The following CALCRL variants were observed in gnomAD, a reference collection of about 807,000 sequenced individuals.
CALCRL encodes calcitonin receptor like receptor, also known as calcitonin gene-related peptide type 1 receptor.
CALCRL carries 27 observed loss-of-function variants against 60.4 expected under a neutral mutation model. The observed-to-expected ratio is 0.45, with a 90% CI of 0.33 to 0.62. The LOEUF (loss-of-function observed/expected upper bound fraction) is 0.62. Ranked by LOEUF, CALCRL falls within the 20% of genes least tolerant of loss-of-function variation. The pLI is 0.03. For missense variants in CALCRL, 424 were observed against 540.7 expected, an observed-to-expected ratio of 0.78 and a Z score of 2.14; for synonymous variants, 190 against 182.6, an observed-to-expected ratio of 1.04 and a Z score of -0.33.
intron 1 of CALCRL, among the ~76,000 whole-genome samples, chr2:187,435,865 CGTGCGTGTGT>C (rs1325252485): frequency 4.7e-5 from 7 of 148,420 alleles, no homozygotes; most frequent in Non-Finnish European, 1.0e-4. Context: ...TGTGTTTGTG[CGTGCGTGTGT>C]GTGTGTGTGT....
intron 1 of CALCRL, among the ~76,000 whole-genome samples, chr2:187,417,295 C>T (rs1354241816): frequency 1.3e-5 from 2 of 151,696 alleles, no homozygotes; most frequent in African/African-American, 2.4e-5. Context: ...AAAAAACAAA[C>T]CCATAAACAC....
intron 1 of CALCRL, among the ~76,000 whole-genome samples, chr2:187,410,696 G>C (rs1018636894): frequency 3.3e-5 from 5 of 152,174 alleles, no homozygotes; most frequent in Non-Finnish European, 1.5e-5. Flanking sequence ...TGTAACATCA[G>C]TTCCACAGCC....
chr2:187,440,319 C>G (rs6731106), intron 1 of CALCRL, among the ~76,000 whole-genome samples: 4 of 152,140 alleles, frequency 2.6e-5, no homozygotes, highest in East Asian at 1.9e-4. Context: ...GTAGGACAAG[C>G]CTTGAAGTCT....
intron 3 of CALCRL, among the ~76,000 whole-genome samples, chr2:187,386,308 C>T (rs576620740): frequency 6.6e-6 from 1 of 152,044 alleles, no homozygotes; most frequent in South Asian, 2.1e-4. Flanking sequence ...ATCTCATTTT[C>T]AATTTTCTGA....
chr2:187,375,099 C>T (rs1559049279), intron 8 of CALCRL, among the ~76,000 whole-genome samples: 1 of 150,750 alleles, frequency 6.6e-6, no homozygotes, highest in Non-Finnish European at 1.5e-5. Context: ...GGTGAAACCC[C>T]GTCTCTACTA....
At chr2:187,368,427 A>G (rs1235560828) in intron 8 of CALCRL, among the ~76,000 whole-genome samples, 4 of 152,110 alleles carry the variant, frequency 2.6e-5, no homozygotes, top group African/African-American at 9.6e-5. Flanking sequence ...AACAAGAATT[A>G]TCATTAGACA....
At chr2:187,395,960 G>T (rs774400385) in intron 1 of CALCRL, among the ~76,000 whole-genome samples, 2 of 151,784 alleles carry the variant, frequency 1.3e-5, no homozygotes, top group Non-Finnish European at 2.9e-5. Context: ...TACAGAAACA[G>T]TTTTTACTCC....
At chr2:187,387,043 C>T (rs576973071) in intron 3 of CALCRL, among the ~76,000 whole-genome samples, 5 of 152,252 alleles carry the variant, frequency 3.3e-5, no homozygotes, top group Admixed American at 1.3e-4. Context: ...TGTTTATCAG[C>T]AGCATGAAAA....
At chr2:187,410,287 CA>C (rs1376030194) in intron 1 of CALCRL, among the ~76,000 whole-genome samples, 1 of 151,926 alleles carries the variant, frequency 6.6e-6, no homozygotes, top group Non-Finnish European at 1.5e-5. Context: ...GGAAGAGTTT[CA>C]ATGTATTAAA....
chr2:187,431,859 A>C (rs1312959288), intron 1 of CALCRL, among the ~76,000 whole-genome samples: 1 of 151,822 alleles, frequency 6.6e-6, no homozygotes, highest in African/African-American at 2.4e-5. Context: ...GAAATGAGAA[A>C]TGTATGATGG....
At chr2:187,426,121 G>GAA (rs547524751) in intron 1 of CALCRL, among the ~76,000 whole-genome samples, 1 of 147,378 alleles carries the variant, frequency 6.8e-6, no homozygotes, top group African/African-American at 2.5e-5. Context: ...TCATTATATA[G>GAA]AAAAAAAAAG....
In CALCRL at chr2:187,352,199, T is replaced by C; in HGVS notation, c.1043A>G (p.Glu348Gly). Reference protein sequence around the residue: ...TLILVPLLGIEFVLIPWRPEG... With the variant: ...TLILVPLLGIGFVLIPWRPEG... ...AGGTCGCCATGGAATCAGCACAAATTCAATGCCAAGCAATGGCACCAAGAT... is the reference window on the plus strand; with the variant it reads ...AGGTCGCCATGGAATCAGCACAAATCCAATGCCAAGCAATGGCACCAAGAT... Residue 348 changes from glutamate to glycine, a missense_variant, in exon 13 of 15, where the codon GAA becomes GGA. Glu to Gly is a moderately conservative substitution (Grantham distance 98). Transcript: ENST00000392370. 1.9e-6 allele frequency: 3 copies of C among 1,612,488 alleles called. No individual in the cohort carries two copies. The highest frequency in any genetic ancestry group is 2.5e-6 in the Non-Finnish European group (3 of 1,178,992).
intron 1 of CALCRL, among the ~76,000 whole-genome samples, chr2:187,444,527 A>G (rs528702887): frequency 1.1e-4 from 16 of 151,704 alleles, no homozygotes; most frequent in African/African-American, 3.6e-4. Context: ...TTTGCAAACA[A>G]TAATATTTTG....
intron 12 of CALCRL, among the ~76,000 whole-genome samples, chr2:187,355,599 A>T (rs879875005): frequency 1.3e-5 from 2 of 152,118 alleles, no homozygotes; most frequent in Non-Finnish European, 2.9e-5. Context: ...ACGAATGAGG[A>T]AGCTTTGAAT....
At chr2:187,355,074 A>G (rs1467297326) in intron 12 of CALCRL, among the ~76,000 whole-genome samples, 1 of 152,128 alleles carries the variant, frequency 6.6e-6, no homozygotes, top group Non-Finnish European at 1.5e-5. Flanking sequence ...AATTTATAAT[A>G]TTCTATGCAC....
Position 187,348,257 on chromosome 2 carries a change from C to T in CALCRL, c.1171-1858G>A, listed in dbSNP as rs535051544. 5.3e-5 allele frequency among the ~76,000 whole-genome samples: 8 copies of T among 151,756 alleles called. No individual in the cohort carries two copies. In the South Asian group the frequency reaches 1.4e-3, roughly 27 times the overall value. ...GGCTTCAGATTGTGAATTTTAAATA[C>T]ATATTCAGAGATTCAAAATAAAAAT... On this transcript the variant is annotated intron_variant, in intron 14 of 14. Coordinates refer to ENST00000392370, the MANE Select transcript of CALCRL (RefSeq NM_005795.6).
At chr2:187,426,420 C>T (rs1440695139) in intron 1 of CALCRL, among the ~76,000 whole-genome samples, 2 of 151,728 alleles carry the variant, frequency 1.3e-5, no homozygotes, top group African/African-American at 4.8e-5. Flanking sequence ...AAAAGTTCTT[C>T]CAGATTGCAT....
chr2:187,386,130 T>TATAGATAGATAGATAGATG (rs1553509524), intron 3 of CALCRL, among the ~76,000 whole-genome samples: 2 of 51,788 alleles, frequency 3.9e-5, no homozygotes, highest in South Asian at 5.7e-4. Context: ...AAAAACTTCT[T>TATAGATAGATAGATAGATG]ATAGATAGAT....
In CALCRL at chr2:187,352,111, T is replaced by C; in HGVS notation, c.1128+3A>G. ...AGCTGCCTTCTTATCAAGAATGCCA[T>C]ACCTGGAAGTGCATAAGGATGTGCA... On this transcript the variant is annotated splice_donor_region_variant and intron_variant, in intron 13 of 14. Coordinates refer to ENST00000392370, the MANE Select transcript of CALCRL (RefSeq NM_005795.6). 6.2e-7 allele frequency: 1 copy of C among 1,610,586 alleles called. No homozygotes were observed. Among genetic ancestry groups the C allele is most frequent in the African/African-American group, 1.3e-5 (1 of 74,886 alleles).
Sources: allele counts gnomAD v4.1 joint callset (sites outside exome capture counted in the v4.1 genomes callset), GRCh38; gene constraint gnomAD v4.1.1; transcripts MANE v1.5; gene names NCBI Gene and HGNC (gene_info 2026-07-23, HGNC 2026-07-21).